The following PRMT3 variants were observed in gnomAD, a reference collection of about 807,000 sequenced individuals.
The protein encoded by PRMT3 is protein arginine N-methyltransferase 3.
A neutral mutation model predicts 71.9 loss-of-function variants in PRMT3; 62 were observed. The ratio of observed to expected loss-of-function variants is 0.86; its 90% CI spans 0.70 to 1.07. PRMT3 has a LOEUF of 1.07. Ranked by LOEUF, PRMT3 falls within the 50% of genes least tolerant of loss-of-function variation. The pLI is 0.00. For synonymous variants in PRMT3, 213 were observed against 220.4 expected, an observed-to-expected ratio of 0.97 and a Z score of 0.30; for missense variants, 663 against 643.0, an observed-to-expected ratio of 1.03 and a Z score of -0.34.
At chr11:20,426,035 CTGT>C (rs1565207156) in intron 9 of PRMT3, among the ~76,000 whole-genome samples, 1 of 152,168 alleles carries the variant, frequency 6.6e-6, no homozygotes, top group Non-Finnish European at 1.5e-5. Flanking sequence ...GTGAAAATAA[CTGT>C]TGTTTCATAT....
chr11:20,509,157 C>G lies in PRMT3; in HGVS notation c.*744C>G, dbSNP rs1289991825. The G allele has an allele frequency of 6.6e-6, 1 of 152,094 alleles. No individual in the cohort carries two copies. The highest frequency in any genetic ancestry group is 1.5e-5 in the Non-Finnish European group (1 of 68,074). 9.4% of individuals were successfully genotyped at this position (152,094 alleles called of 1,614,324 possible). A position where few individuals can be genotyped will look rare whatever the true frequency, so the allele number is the denominator to read the frequency against. ...TACTAACGTATTATCTTTTTCAAAC[C>G]AGATTTATGTGCAAAGGTTAAACAT... On this transcript the variant is annotated 3_prime_UTR_variant, in exon 16 of 16. Transcript: ENST00000331079.
At chr11:20,393,570 A>G (rs982234586) in intron 5 of PRMT3, among the ~76,000 whole-genome samples, 1 of 152,248 alleles carries the variant, frequency 6.6e-6, no homozygotes, top group Non-Finnish European at 1.5e-5. Context: ...AGAAGTATCC[A>G]GGTGATTTGA....
chr11:20,476,892 A>G (rs1850803262), intron 13 of PRMT3, among the ~76,000 whole-genome samples: 1 of 152,054 alleles, frequency 6.6e-6, no homozygotes, highest in Non-Finnish European at 1.5e-5. Context: ...TAAGGGTCAC[A>G]TTTTTCAGTT....
chr11:20,458,560 C>CA (rs1188787160), intron 11 of PRMT3, among the ~76,000 whole-genome samples: 2 of 152,096 alleles, frequency 1.3e-5, no homozygotes, highest in Non-Finnish European at 2.9e-5. Context: ...TTCTATCTGA[C>CA]AAAAATCAAA....
chr11:20,457,483 T>C (rs1357681845), intron 11 of PRMT3, among the ~76,000 whole-genome samples: 2 of 152,230 alleles, frequency 1.3e-5, no homozygotes, highest in African/African-American at 2.4e-5. Flanking sequence ...CTGCCCAAGT[T>C]ACTCTCTGAA....
intron 9 of PRMT3, among the ~76,000 whole-genome samples, chr11:20,416,218 C>T (rs1849301399): frequency 6.6e-6 from 1 of 152,132 alleles, no homozygotes; most frequent in Non-Finnish European, 1.5e-5. Flanking sequence ...GATTTCCCCA[C>T]TTAATTCTCC....
chr11:20,414,705 T>A (rs1849264233), intron 9 of PRMT3, among the ~76,000 whole-genome samples: 1 of 152,156 alleles, frequency 6.6e-6, no homozygotes, highest in Non-Finnish European at 1.5e-5. Context: ...AGGAGAAGGT[T>A]GATCCATCAT....
chr11:20,413,998 G>T (rs1490666790), intron 9 of PRMT3, among the ~76,000 whole-genome samples: 1 of 152,024 alleles, frequency 6.6e-6, no homozygotes, highest in Admixed American at 6.6e-5. Context: ...AATTCTAAAA[G>T]ATAGATATTT....
rs78228874 is a variant in PRMT3 at position 20,453,219 on chromosome 11, G to A, written c.1072+1011G>A. On this transcript the variant is annotated intron_variant, in intron 11 of 15. Transcript: ENST00000331079. The stretch of plus-strand genomic sequence containing the variant: ...AGGCCGGCTGGGTGCAGTGGCTCAC[G>A]CTTGTAATCCCAGCACTCTGAGAGG... Among the ~76,000 whole-genome samples the A allele has an allele frequency of 3.7e-3, 556 of 150,820 alleles. 5 individuals carry two copies. The highest frequency in any genetic ancestry group is 0.013 in the African/African-American group (527 of 41,050).
At chr11:20,470,667 GT>G (rs902644767) in intron 13 of PRMT3, among the ~76,000 whole-genome samples, 1 of 152,092 alleles carries the variant, frequency 6.6e-6, no homozygotes, top group African/African-American at 2.4e-5. Flanking sequence ...TTGACTCCAT[GT>G]CTTTGCCATC....
chr11:20,469,813 C>CTT (rs141136215), intron 13 of PRMT3, among the ~76,000 whole-genome samples: 4,617 of 152,004 alleles, frequency 0.03, 233 homozygotes, highest in African/African-American at 0.11. Flanking sequence ...AGCATTTTTT[C>CTT]TTTTATTCTA....
At chr11:20,505,518 G>A (rs777468328) in intron 15 of PRMT3, among the ~76,000 whole-genome samples, 6 of 152,136 alleles carry the variant, frequency 3.9e-5, no homozygotes, top group Non-Finnish European at 8.8e-5. Flanking sequence ...ATAACAGTAA[G>A]TTAAACCCAA....
At chr11:20,405,970 C>T (rs1376329537) in intron 8 of PRMT3, 3 of 152,178 alleles carry the variant, frequency 2.0e-5, no homozygotes, top group Non-Finnish European at 4.4e-5. Flanking sequence ...CCCCATTCTC[C>T]CTTCCTCCCA....
At chr11:20,436,225 GATC>G in intron 10 of PRMT3, among the ~76,000 whole-genome samples, 1 of 152,272 alleles carries the variant, frequency 6.6e-6, no homozygotes, top group East Asian at 1.9e-4. Flanking sequence ...TTCTGTATAA[GATC>G]ATGTCGTCTT....
At chr11:20,439,015 G>T (rs1849825020) in intron 10 of PRMT3, among the ~76,000 whole-genome samples, 1 of 152,190 alleles carries the variant, frequency 6.6e-6, no homozygotes, top group South Asian at 2.1e-4. Flanking sequence ...CACCAGACTG[G>T]GGTGGTTCAG....
chr11:20,399,992 T>C (rs944604325), intron 7 of PRMT3, among the ~76,000 whole-genome samples: 1 of 152,222 alleles, frequency 6.6e-6, no homozygotes, highest in Non-Finnish European at 1.5e-5. Context: ...ATAGGACATA[T>C]GGATAGTTGA....
chr11:20,459,134 T>C (rs1023091289), intron 11 of PRMT3, among the ~76,000 whole-genome samples: 8 of 152,166 alleles, frequency 5.3e-5, no homozygotes, highest in African/African-American at 1.7e-4. Flanking sequence ...ACAGCTAAAC[T>C]TTATATATTA....
chr11:20,482,836 ATTT>A (rs1850973406), intron 13 of PRMT3, among the ~76,000 whole-genome samples: 1 of 1,880 alleles, frequency 5.3e-4, no homozygotes, highest in Non-Finnish European at 2.0e-3. Flanking sequence ...CAAGTCAAAA[ATTT>A]GGAAAGACAA....
At chr11:20,397,459 G>C (rs1371066998) in intron 6 of PRMT3, 118 bp from the exon 7 acceptor site, 2 of 977,032 alleles carry the variant, frequency 2.0e-6, no homozygotes, top group Admixed American at 4.7e-5. Context: ...GATAGAATGT[G>C]ATTTAGAAGA....
Sources: allele counts gnomAD v4.1 joint callset (sites outside exome capture counted in the v4.1 genomes callset), GRCh38; gene constraint gnomAD v4.1.1; transcripts MANE v1.5; gene names NCBI Gene and HGNC (gene_info 2026-07-23, HGNC 2026-07-21).